The following PDE4D variants were observed in gnomAD, a reference collection of about 807,000 sequenced individuals.
PDE4D encodes the protein 3',5'-cyclic-AMP phosphodiesterase 4D.
PDE4D carries 24 observed loss-of-function variants against 87.4 expected under a neutral mutation model. The observed-to-expected ratio is 0.27, with a 90% CI of 0.20 to 0.39. PDE4D has a LOEUF of 0.39. PDE4D is among the 10% of genes least tolerant of loss of function. PDE4D has a pLI of 1.00. For missense variants in PDE4D, 714 were observed against 1,041.0 expected, an observed-to-expected ratio of 0.69 and a Z score of 4.32; for synonymous variants, 384 against 383.2, an observed-to-expected ratio of 1.00 and a Z score of -0.02.
intron 1 of PDE4D, among the ~76,000 whole-genome samples, chr5:59,438,675 A>G (rs1215211790): frequency 2.0e-5 from 3 of 152,128 alleles, no homozygotes; most frequent in African/African-American, 7.2e-5. Context: ...CACACTTACA[A>G]TGTTGCCTCA....
intron 1 of PDE4D, among the ~76,000 whole-genome samples, chr5:60,295,821 C>T (rs918367676): frequency 2.0e-5 from 3 of 152,136 alleles, no homozygotes; most frequent in Non-Finnish European, 2.9e-5. Flanking sequence ...GTCTTTAGAT[C>T]CCCTTGCCTA....
chr5:59,266,499 G>A (rs900617869), intron 1 of PDE4D, among the ~76,000 whole-genome samples: 4 of 151,886 alleles, frequency 2.6e-5, no homozygotes, highest in African/African-American at 9.7e-5. Flanking sequence ...AAATGCCAGA[G>A]AGAAGGAAAA....
intron 2 of PDE4D, among the ~76,000 whole-genome samples, chr5:60,037,081 C>T (rs1221823021): frequency 6.6e-6 from 1 of 152,132 alleles, no homozygotes; most frequent in Non-Finnish European, 1.5e-5. Flanking sequence ...GGTTAATTCA[C>T]ATAGGAATAG....
chr5:59,772,846 G>A (rs1001041682), intron 1 of PDE4D, among the ~76,000 whole-genome samples: 1 of 152,208 alleles, frequency 6.6e-6, no homozygotes, highest in Non-Finnish European at 1.5e-5. Flanking sequence ...GGATAAGAAG[G>A]TATGGGTTAA....
intron 1 of PDE4D, among the ~76,000 whole-genome samples, chr5:59,569,148 T>A (rs976799829): frequency 6.6e-6 from 1 of 152,192 alleles, no homozygotes; most frequent in African/African-American, 2.4e-5. Flanking sequence ...CAATATTTAA[T>A]TTTCTAACCC....
intron 1 of PDE4D, among the ~76,000 whole-genome samples, chr5:59,323,971 T>A (rs1775180466): frequency 6.6e-6 from 1 of 152,144 alleles, no homozygotes; most frequent in Non-Finnish European, 1.5e-5. Flanking sequence ...TTAGGCCAAC[T>A]AATTTTTCTG....
chr5:59,296,276 A>T (rs902157842), intron 1 of PDE4D, among the ~76,000 whole-genome samples: 3 of 152,040 alleles, frequency 2.0e-5, no homozygotes, highest in African/African-American at 4.8e-5. Context: ...AGATATAATA[A>T]ATAATAGTAA....
intron 2 of PDE4D, among the ~76,000 whole-genome samples, chr5:59,199,032 T>C (rs1013436558): frequency 6.6e-6 from 1 of 152,210 alleles, no homozygotes; most frequent in African/African-American, 2.4e-5. Flanking sequence ...TCTTTATCTG[T>C]TTTACTATTA....
intron 2 of PDE4D, among the ~76,000 whole-genome samples, chr5:60,094,460 T>C (rs1355954168): frequency 1.3e-5 from 2 of 152,126 alleles, no homozygotes; most frequent in Admixed American, 6.6e-5. Flanking sequence ...CCAGAATTCA[T>C]ATATTGAAAT....
At chr5:59,057,485 G>A (rs1762533728) in intron 5 of PDE4D, among the ~76,000 whole-genome samples, 1 of 152,218 alleles carries the variant, frequency 6.6e-6, no homozygotes, top group African/African-American at 2.4e-5. Flanking sequence ...TGGTCCTAAA[G>A]TCACTATGAT....
chr5:60,104,974 C>T (rs184560535), intron 2 of PDE4D, among the ~76,000 whole-genome samples: 35 of 152,320 alleles, frequency 2.3e-4, no homozygotes, highest in Admixed American at 1.4e-3. Flanking sequence ...TCCAAAGGAA[C>T]GCAGTTCCTC....
chr5:59,289,196 G>A (rs1767545660), intron 1 of PDE4D, among the ~76,000 whole-genome samples: 1 of 151,900 alleles, frequency 6.6e-6, no homozygotes, highest in Non-Finnish European at 1.5e-5. Context: ...TTTAAAGCGG[G>A]GGACAAAGTT....
intron 1 of PDE4D, among the ~76,000 whole-genome samples, chr5:59,225,101 T>C (rs544112550): frequency 2.1e-4 from 32 of 152,352 alleles, no homozygotes; most frequent in African/African-American, 7.0e-4. Context: ...ACCAATGCCA[T>C]GAAATTTTCC....
At chr5:59,062,938 G>C (rs565180683) in intron 5 of PDE4D, 1 of 152,018 alleles carries the variant, frequency 6.6e-6, no homozygotes, top group East Asian at 1.9e-4. Context: ...GGCGAAGTAC[G>C]TGAGTGGGAA....
At chr5:59,802,662 G>T (rs985070896) in intron 1 of PDE4D, among the ~76,000 whole-genome samples, 3 of 152,072 alleles carry the variant, frequency 2.0e-5, no homozygotes, top group Non-Finnish European at 2.9e-5. Context: ...CTCCCAAAGT[G>T]TTGGGATCAC....
intron 1 of PDE4D, among the ~76,000 whole-genome samples, chr5:59,626,501 A>AAC (rs1296204617): frequency 6.6e-6 from 1 of 152,220 alleles, no homozygotes; most frequent in Non-Finnish European, 1.5e-5. Context: ...CTTAATTTGG[A>AAC]AATTCTATTA....
chr5:59,033,321 A>C (rs1470576256), intron 6 of PDE4D, among the ~76,000 whole-genome samples: 1 of 152,210 alleles, frequency 6.6e-6, no homozygotes, highest in Non-Finnish European at 1.5e-5. Flanking sequence ...GTGAATATTA[A>C]AATAAAGTGC....
intron 1 of PDE4D, among the ~76,000 whole-genome samples, chr5:60,274,153 A>G (rs180844966): frequency 7.0e-6 from 1 of 141,862 alleles, no homozygotes; most frequent in East Asian, 1.9e-4. Flanking sequence ...ATGGTGAGTC[A>G]GGCAAATATT....
Position 59,154,620 on chromosome 5 carries a change from C to G in PDE4D, c.808+25975G>C, listed in dbSNP as rs574376772. ...ATTCATTTGGGGCCGAGCATGGTGG[C>G]TCACACCTGTAACCTCAGCACTTTG... On this transcript the variant is annotated intron_variant, in intron 5 of 14. Coordinates refer to ENST00000340635, the MANE Select transcript of PDE4D (RefSeq NM_001104631.2). Among the ~76,000 whole-genome samples, 9 of 152,244 alleles carry G rather than the reference C, an allele frequency of 5.9e-5. No individual in the cohort carries two copies. In the South Asian group the frequency reaches 1.9e-3, roughly 32 times the overall value.
Sources: allele counts gnomAD v4.1 joint callset (sites outside exome capture counted in the v4.1 genomes callset), GRCh38; gene constraint gnomAD v4.1.1; transcripts MANE v1.5; gene names NCBI Gene and HGNC (gene_info 2026-07-23, HGNC 2026-07-21).